ASIC2: variants seen among roughly 807,000 people sequenced by gnomAD.
ASIC2 encodes acid sensing ion channel subunit 2, also known as acid-sensing ion channel 2.
ASIC2 carries 25 observed loss-of-function variants against 57.3 expected under a neutral mutation model. The observed-to-expected ratio is 0.44, with a 90% CI of 0.32 to 0.61. The LOEUF (loss-of-function observed/expected upper bound fraction) is 0.61. Ranked by LOEUF, ASIC2 falls within the 20% of genes least tolerant of loss-of-function variation. The pLI, the probability that ASIC2 is intolerant of heterozygous loss-of-function variation, is 0.06. For synonymous variants in ASIC2, 319 were observed against 307.5 expected (o/e 1.04, Z -0.39); for missense variants, 641 against 738.1 (o/e 0.87, Z 1.52).
chr17:33,878,460 G>T (rs1465545362), intron 1 of ASIC2, among the ~76,000 whole-genome samples: 2 of 152,162 alleles, frequency 1.3e-5, no homozygotes, highest in Non-Finnish European at 2.9e-5. Flanking sequence ...TGTGACAAAT[G>T]CACAAGCCTC....
chr17:33,332,710 G>A (rs1300615238), intron 1 of ASIC2, among the ~76,000 whole-genome samples: 1 of 152,082 alleles, frequency 6.6e-6, no homozygotes, highest in African/African-American at 2.4e-5. Context: ...GGCCAACATG[G>A]TGAAACCCCG....
At chr17:33,753,483 A>G (rs1449660241) in intron 1 of ASIC2, among the ~76,000 whole-genome samples, 2 of 152,246 alleles carry the variant, frequency 1.3e-5, no homozygotes, top group African/African-American at 4.8e-5. Flanking sequence ...AGTAATGTGA[A>G]AAGAAAAACT....
intron 1 of ASIC2, among the ~76,000 whole-genome samples, chr17:33,818,926 T>C (rs1912667919): frequency 6.6e-6 from 1 of 152,038 alleles, no homozygotes; most frequent in Non-Finnish European, 1.5e-5. Flanking sequence ...CTCAAGGGAG[T>C]TGAATCCAGG....
chr17:33,994,434 A>T (rs115143865), intron 1 of ASIC2, among the ~76,000 whole-genome samples: 3,574 of 152,276 alleles, frequency 0.023, 143 homozygotes, highest in African/African-American at 0.081. Flanking sequence ...CTGTAGGGCC[A>T]GATGAATTTC....
At chr17:33,028,186 A>G in intron 4 of ASIC2, 56 bp downstream of exon 4, 1 of 1,548,446 alleles carries the variant, frequency 6.5e-7, no homozygotes. Context: ...TGAGAAATGC[A>G]AGGTGGGTCC....
chr17:33,214,976 C>A (rs1907422170), intron 1 of ASIC2, among the ~76,000 whole-genome samples: 1 of 152,226 alleles, frequency 6.6e-6, no homozygotes, highest in African/African-American at 2.4e-5. Flanking sequence ...GGGTTGAATT[C>A]TTGCATCTGG....
chr17:33,154,634 C>G (rs1904927479), intron 1 of ASIC2, among the ~76,000 whole-genome samples: 1 of 152,174 alleles, frequency 6.6e-6, no homozygotes, highest in East Asian at 1.9e-4. Flanking sequence ...CCTCTATCCA[C>G]CAGGCCTCTT....
At chr17:33,826,288 C>G (rs1389051255) in intron 1 of ASIC2, among the ~76,000 whole-genome samples, 1 of 152,180 alleles carries the variant, frequency 6.6e-6, no homozygotes, top group African/African-American at 2.4e-5. Context: ...CTTAGAACTG[C>G]CCTGTGCATT....
At chr17:33,367,119 T>G (rs1908841229) in intron 1 of ASIC2, among the ~76,000 whole-genome samples, 1 of 152,236 alleles carries the variant, frequency 6.6e-6, no homozygotes, top group African/African-American at 2.4e-5. Flanking sequence ...CTTTTGCTGT[T>G]TCTTTGTGAC....
chr17:33,876,884 G>A (rs768289036), intron 1 of ASIC2, among the ~76,000 whole-genome samples: 26 of 152,176 alleles, frequency 1.7e-4, no homozygotes, highest in Non-Finnish European at 3.2e-4. Flanking sequence ...CGTGCATTAC[G>A]GATGGAATCT....
rs1308846209 is a variant in ASIC2 at position 33,533,798 on chromosome 17, A to G, written c.556-421731T>C. On this transcript the variant is annotated intron_variant, in intron 1 of 9. Coordinates refer to the ASIC2 transcript ENST00000359872. ...CTAGAACTTGGTGTTCTAAATTCCG[A>G]GATCAATATTCTAAACCCACTTGTC... 3 of 152,176 alleles carry G rather than the reference A, an allele frequency of 2.0e-5. No individual in the cohort carries two copies. In the East Asian group the frequency reaches 5.8e-4, roughly 29 times the overall value. 9.4% of individuals were successfully genotyped at this position (152,176 alleles called of 1,614,324 possible).
intron 1 of ASIC2, among the ~76,000 whole-genome samples, chr17:33,720,694 T>C (rs1171207678): frequency 6.6e-6 from 1 of 152,236 alleles, no homozygotes; most frequent in African/African-American, 2.4e-5. Flanking sequence ...TGACCTCATT[T>C]GGGATAACTT....
chr17:33,845,972 C>T (rs777210325), intron 1 of ASIC2, among the ~76,000 whole-genome samples: 4 of 152,250 alleles, frequency 2.6e-5, no homozygotes, highest in African/African-American at 4.8e-5. Context: ...TTATGACTTT[C>T]GTATTGGCGA....
rs145842878 is a variant in ASIC2 at position 33,229,169 on chromosome 17, C to T, written c.708+62239G>A. Among the ~76,000 whole-genome samples the T allele has an allele frequency of 3.5e-4, 53 of 152,082 alleles. 1 individual carries two copies. Among genetic ancestry groups the T allele is most frequent in the African/African-American group, 1.3e-3 (52 of 41,484 alleles). On this transcript the variant is annotated intron_variant, in intron 1 of 9. Transcript: ENST00000225823. ...TTCTCTGAGATGGAAAGAGGTGTAC[C>T]AAGCAAGAGGAGAGCTGAGATGGAG... is the stretch of plus-strand genomic sequence containing the variant.
At chr17:33,673,345 T>C (rs2142052581) in intron 1 of ASIC2, among the ~76,000 whole-genome samples, 1 of 152,322 alleles carries the variant, frequency 6.6e-6, no homozygotes, top group East Asian at 1.9e-4. Context: ...GCTTTCTCTT[T>C]GGGTGAGAAG....
At chr17:33,318,124 C>T (rs1307840978) in intron 1 of ASIC2, among the ~76,000 whole-genome samples, 6 of 152,038 alleles carry the variant, frequency 3.9e-5, no homozygotes, top group Non-Finnish European at 5.9e-5. Flanking sequence ...AGCGACATTG[C>T]GGGGTGGGTG....
At chr17:33,304,204 G>T (rs1238494245) in intron 1 of ASIC2, among the ~76,000 whole-genome samples, 2 of 152,152 alleles carry the variant, frequency 1.3e-5, no homozygotes, top group African/African-American at 4.8e-5. Flanking sequence ...GATATAAAAA[G>T]TACTGAGTAA....
At chr17:33,449,406 C>T (rs1912163033) in intron 1 of ASIC2, among the ~76,000 whole-genome samples, 1 of 152,208 alleles carries the variant, frequency 6.6e-6, no homozygotes, top group Admixed American at 6.5e-5. Flanking sequence ...TCTCTCTTCT[C>T]TGTAGCTTCT....
intron 1 of ASIC2, chr17:33,976,563 TGTGCCCG>T (rs1228920225): frequency 6.6e-6 from 1 of 152,178 alleles, no homozygotes; most frequent in Non-Finnish European, 1.5e-5. Flanking sequence ...TGTTGAGCCC[TGTGCCCG>T]GTGAAGTACG....
Sources: allele counts gnomAD v4.1 joint callset (sites outside exome capture counted in the v4.1 genomes callset), GRCh38; gene constraint gnomAD v4.1.1; transcripts MANE v1.5; gene names NCBI Gene and HGNC (gene_info 2026-07-23, HGNC 2026-07-21).